PCDH11X: variants seen among roughly 807,000 people sequenced by gnomAD.
PCDH11X encodes the protein protocadherin-11 X-linked.
PCDH11X carries 18 observed loss-of-function variants against 53.3 expected under a neutral mutation model. The ratio of observed to expected loss-of-function variants is 0.34; its 90% CI spans 0.23 to 0.50. The LOEUF (loss-of-function observed/expected upper bound fraction) is 0.50, where lower values mean the gene tolerates loss of function less well. Among genes scored for constraint, PCDH11X ranks in the 20% least tolerant of loss-of-function variants. The probability of loss-of-function intolerance (pLI) is 0.98; values close to 1 mark genes in which losing one functional copy is unlikely to be tolerated. For synonymous variants in PCDH11X, 279 were observed against 393.3 expected, an observed-to-expected ratio of 0.71 and a Z score of 3.44; for missense variants, 570 against 1,032.4, an observed-to-expected ratio of 0.55 and a Z score of 6.14.
chrX:92,515,963 T>G (rs1051056879), intron 10 of PCDH11X, among the ~76,000 whole-genome samples: 52 of 112,061 alleles, frequency 4.6e-4, no homozygotes, highest in African/African-American at 1.7e-3. Context: ...GTTATACTGC[T>G]CATGATTCAG....
At chrX:91,889,477 T>G (rs1168754690) in intron 6 of PCDH11X, among the ~76,000 whole-genome samples, 1 of 111,489 alleles carries the variant, frequency 9.0e-6, no homozygotes, top group South Asian at 3.8e-4. Context: ...CACACCTGGC[T>G]AATTTTTGTA....
chrX:92,450,861 G>T (rs923545802), intron 9 of PCDH11X, among the ~76,000 whole-genome samples: 1 of 110,634 alleles, frequency 9.0e-6, no homozygotes, highest in Non-Finnish European at 1.9e-5. Context: ...GCATAAACTC[G>T]CTTTGGCTCA....
intron 9 of PCDH11X, among the ~76,000 whole-genome samples, chrX:92,428,128 A>G: frequency 9.4e-6 from 1 of 106,331 alleles, no homozygotes; most frequent in Non-Finnish European, 1.9e-5. Flanking sequence ...ATTCAGAATC[A>G]TAATAAAACT....
chrX:91,884,073 C>A (rs1940072988), intron 6 of PCDH11X: 1 of 127,887 alleles, frequency 7.8e-6, no homozygotes, highest in Non-Finnish European at 1.4e-5. Flanking sequence ...CGCCTGTAAT[C>A]CCAGCTACTC....
chrX:91,846,825 G>A (rs1214380383), intron 5 of PCDH11X, among the ~76,000 whole-genome samples: 1 of 108,964 alleles, frequency 9.2e-6, no homozygotes, highest in Non-Finnish European at 1.9e-5. Context: ...CAGCTTTTTT[G>A]TTTTGTGTTT....
At chrX:91,831,906 A>T (rs948134867) in intron 4 of PCDH11X, among the ~76,000 whole-genome samples, 1 of 99,117 alleles carries the variant, frequency 1.0e-5, no homozygotes, top group Non-Finnish European at 2.0e-5. Flanking sequence ...CAAACTCTTT[A>T]TTAACTAGAG....
intron 6 of PCDH11X, among the ~76,000 whole-genome samples, chrX:92,106,272 A>G (rs2064382139): frequency 1.1e-5 from 1 of 91,473 alleles, no homozygotes; most frequent in Non-Finnish European, 2.0e-5. Flanking sequence ...GAATCCTTCT[A>G]CCCAAGATTA....
chrX:92,470,173 C>T (rs1435774256), intron 10 of PCDH11X, among the ~76,000 whole-genome samples: 1 of 105,709 alleles, frequency 9.5e-6, no homozygotes, highest in Non-Finnish European at 2.0e-5. Flanking sequence ...TTCTTGATTC[C>T]TTAATGTTGG....
At chrX:91,847,822 C>CA (rs1180755447) in intron 5 of PCDH11X, among the ~76,000 whole-genome samples, 5 of 110,533 alleles carry the variant, frequency 4.5e-5, no homozygotes, top group Admixed American at 9.6e-5. Context: ...TTTACACACA[C>CA]AAAAAAAACA....
intron 6 of PCDH11X, among the ~76,000 whole-genome samples, chrX:92,142,749 C>T (rs2065205264): frequency 9.4e-6 from 1 of 106,735 alleles, no homozygotes; most frequent in Non-Finnish European, 1.9e-5. Flanking sequence ...ACTACTGGAT[C>T]ATCTACTATC....
intron 6 of PCDH11X, among the ~76,000 whole-genome samples, chrX:92,094,133 ATGTGTGTGTGTGTG>A (rs58997781): frequency 0.01 from 985 of 94,215 alleles, 22 homozygotes; most frequent in African/African-American, 0.035. Context: ...AAAAAGTAAT[ATGTGTGTGTGTGTG>A]TGTGTGTGTG....
intron 9 of PCDH11X, among the ~76,000 whole-genome samples, chrX:92,464,072 T>G (rs2073106397): frequency 8.9e-6 from 1 of 112,050 alleles, no homozygotes. Flanking sequence ...AAATTTATAT[T>G]TCTTTGATCC....
chrX:92,326,665 A>G (rs1174605852), intron 8 of PCDH11X, among the ~76,000 whole-genome samples: 1 of 58,590 alleles, frequency 1.7e-5, no homozygotes, highest in Admixed American at 2.4e-4. Flanking sequence ...GAGAGAGAGA[A>G]AGAGACAGTG....
chrX:92,489,255 C>G lies in PCDH11X; in HGVS notation c.3367+20933C>G, dbSNP rs1043543493. ...CTCACTTTTGACCTCTTCTGCTTTA[C>G]TCCTATGTCCAAAAAAAGAAAACAA... On this transcript the variant is annotated intron_variant, in intron 10 of 10. Transcript: ENST00000682573. Among the ~76,000 whole-genome samples, 6 of 109,142 alleles carry G rather than the reference C, an allele frequency of 5.5e-5. No homozygotes were observed. In the Admixed American group the frequency reaches 5.9e-4, roughly 11 times the overall value. The allele number at this position is 109,142 out of a possible 115,157, so 94.8% of individuals were successfully genotyped here. A position where few individuals can be genotyped will look rare whatever the true frequency, so the allele number is the denominator to read the frequency against.
At chrX:92,061,214 T>C (rs184231441) in intron 6 of PCDH11X, among the ~76,000 whole-genome samples, 3,694 of 111,532 alleles carry the variant, frequency 0.033, 111 homozygotes, top group African/African-American at 0.087. Flanking sequence ...AAGTACTTTG[T>C]AGATTCTGGA....
At chrX:92,081,121 A>G (rs767475631) in intron 6 of PCDH11X, among the ~76,000 whole-genome samples, 2 of 111,695 alleles carry the variant, frequency 1.8e-5, no homozygotes, top group Non-Finnish European at 3.8e-5. Context: ...CTTCAATACT[A>G]ATAAAATCCA....
intron 10 of PCDH11X, among the ~76,000 whole-genome samples, chrX:92,487,204 C>A (rs2073663003): frequency 9.5e-6 from 1 of 105,068 alleles, no homozygotes; most frequent in African/African-American, 3.4e-5. Context: ...AGGCATGCAC[C>A]ACTACGCCTG....
chrX:92,291,744 C>T (rs1411016415), intron 8 of PCDH11X, among the ~76,000 whole-genome samples: 1 of 108,103 alleles, frequency 9.3e-6, no homozygotes, highest in Non-Finnish European at 1.9e-5. Context: ...ACTTGAATGC[C>T]CAGAGATGGA....
intron 9 of PCDH11X, among the ~76,000 whole-genome samples, chrX:92,467,197 C>T (rs2750680): frequency 0.065 from 7,224 of 110,567 alleles, 248 homozygotes; most frequent in Middle Eastern, 0.11. Flanking sequence ...AGATGAAACA[C>T]CTTGCAATGA....
Sources: gnomAD v4.1 joint callset for allele counts (sites outside exome capture counted in the v4.1 genomes callset) on GRCh38, gnomAD v4.1.1 for gene constraint, MANE v1.5 for transcripts, NCBI Gene and HGNC (gene_info 2026-07-23, HGNC 2026-07-21) for gene names.